Variants in SDC3 observed in about 807,000 individuals in gnomAD.
SDC3 encodes the protein syndecan 3, also known as syndecan-3.
SDC3 carries 13 observed loss-of-function variants against 24.4 expected under a neutral mutation model. The ratio of observed to expected loss-of-function variants is 0.53; its 90% confidence interval spans 0.35 to 0.85. The LOEUF is 0.85. SDC3 is among the 40% of genes least tolerant of loss of function. The pLI is 0.01. For synonymous variants in SDC3, 295 were observed against 260.9 expected (o/e 1.13, Z -1.26); for missense variants, 571 against 584.5 (o/e 0.98, Z 0.24).
intron 1 of SDC3, among the ~76,000 whole-genome samples, chr1:30,899,846 G>A (rs1000756364): frequency 3.9e-5 from 6 of 152,078 alleles, no homozygotes; most frequent in Admixed American, 6.5e-5. Context: ...GGACACACAC[G>A]ACACAACTGA....
intron 4 of SDC3, 44 bp from the exon 5 acceptor site, chr1:30,873,421 GAAC>G: frequency 6.5e-7 from 1 of 1,541,200 alleles, no homozygotes; most frequent in South Asian, 1.1e-5. Flanking sequence ...AGGCAGGGTA[GAAC>G]CAGGGCAAAG....
rs143927351 is a variant in SDC3, at chr1:30,874,870, CACA to C, written c.871-285_871-283del. ...CACAGTCTGTGTTTCTAACCACTAACACACTGCCTCTGTTCTTGCTCTGGACAT... is the reference window on the plus strand; with the variant it reads ...CACAGTCTGTGTTTCTAACCACTAACCTGCCTCTGTTCTTGCTCTGGACAT... On this transcript the variant is annotated intron_variant, in intron 3 of 4. Coordinates refer to ENST00000339394, the MANE Select transcript of SDC3 (RefSeq NM_014654.4). Among the ~76,000 whole-genome samples, 845 of 152,358 alleles carry C rather than the reference CACA, an allele frequency of 5.5e-3. 12 individuals are homozygous for C. Among genetic ancestry groups the C allele is most frequent in the African/African-American group, 0.016 (676 of 41,578 alleles).
At position 30,876,938 on chromosome 1, in the gene SDC3, T is replaced by C; in HGVS notation, c.484A>G (p.Thr162Ala). The change falls in exon 3 of 5, where the codon ACC (threonine) becomes GCC (alanine). Residue 162 changes from threonine (T) to alanine (A), a missense_variant. Physicochemically the swap from Thr to Ala is moderately conservative, Grantham distance 58 (BLOSUM62 0). Transcript: ENST00000339394. The stretch of plus-strand genomic sequence containing the variant: ...CTTGTGGCAGCAGTGGTAGCCATGG[T>C]AGTGGAGACGGTGGTGGCTCTCTGG... ...PSQRATTVST[T>A]MATTAATSTG... 2 of 1,613,544 alleles carry C rather than the reference T, an allele frequency of 1.2e-6. No individual in the cohort carries two copies. The highest frequency in any genetic ancestry group is 2.2e-5 in the East Asian group (1 of 44,852).
chr1:30,874,457 T>C lies in SDC3; in HGVS notation c.1002A>G (p.Val334=), dbSNP rs749554592. 5.6e-6 allele frequency: 9 copies of C among 1,614,056 alleles called. No homozygotes were observed. The highest frequency in any genetic ancestry group is 5.0e-5 in the Admixed American group (3 of 60,006). The change falls in exon 4 of 5, where the codon GTA becomes GTG. Residue 334 remains valine (V), a synonymous_variant. Coordinates refer to ENST00000339394, the MANE Select transcript of SDC3 (RefSeq NM_014654.4). ...CCTTGGCCGCAGCCCCTCCCACAGCTACCACCTCATTGGCTGTGTCTGGTT... is the reference window on the plus strand; with the variant it reads ...CCTTGGCCGCAGCCCCTCCCACAGCCACCACCTCATTGGCTGTGTCTGGTT... ...TTQPDTANEV[V]AVGGAAAKAS... is the part of the protein sequence containing the mutation.
rs1199632977 is a variant in SDC3, at chr1:30,874,608, A to C, written c.871-20T>G. The C allele has an allele frequency of 6.2e-7, 1 of 1,608,842 alleles. No individual in the cohort carries two copies. The highest frequency in any genetic ancestry group is 1.1e-5 in the South Asian group (1 of 90,180). On this transcript the variant is annotated intron_variant, in intron 3 of 4. Transcript: ENST00000339394. ...TGGGGTCTGCAGAGAGGGTGGCATG[A>C]GCCCAGGACAACCACACATGCATGC... is the stretch of plus-strand genomic sequence containing the variant.
chr1:30,905,292 T>C (rs1374292003), intron 1 of SDC3, among the ~76,000 whole-genome samples: 2 of 145,654 alleles, frequency 1.4e-5, no homozygotes, highest in Non-Finnish European at 3.0e-5. Context: ...AAGAATTCCC[T>C]ACTAATTCCC....
rs1638561386 is a variant in SDC3 at position 30,908,000 on chromosome 1, G to A, written c.138+449C>T. ...TCCCACCCCAAGACACACCCAGCCG[G>A]GACGGCGACCCCCAGCCCGCCGCCG... On this transcript the variant is annotated intron_variant, in intron 1 of 4. Transcript: ENST00000339394. Among the ~76,000 whole-genome samples, 3 of 152,204 alleles carry A rather than the reference G, an allele frequency of 2.0e-5. No individual in the cohort carries two copies. In the South Asian group the frequency reaches 6.2e-4, roughly 32 times the overall value.
chr1:30,892,214 C>A (rs1254965358), intron 1 of SDC3, among the ~76,000 whole-genome samples: 2 of 152,184 alleles, frequency 1.3e-5, no homozygotes, highest in African/African-American at 4.8e-5. Flanking sequence ...CTGGCCTCCA[C>A]TCCTCATGTG....
intron 1 of SDC3, among the ~76,000 whole-genome samples, chr1:30,891,845 G>A (rs1450916883): frequency 3.1e-5 from 4 of 128,474 alleles, no homozygotes; most frequent in Non-Finnish European, 5.3e-5. Flanking sequence ...ACAGTGAGAC[G>A]CCGTCAAAAA....
intron 1 of SDC3, among the ~76,000 whole-genome samples, chr1:30,882,534 C>A (rs983660038): frequency 4.6e-5 from 7 of 152,200 alleles, no homozygotes; most frequent in Non-Finnish European, 1.0e-4. Context: ...TGCCACCTCC[C>A]AGGTTGCCCA....
At chr1:30,878,406 C>G (rs965526745) in intron 2 of SDC3, 18 of 509,664 alleles carry the variant, frequency 3.5e-5, no homozygotes, top group Non-Finnish European at 5.0e-5. Flanking sequence ...GAGACCTGGA[C>G]ATTCTGGGCC....
intron 1 of SDC3, among the ~76,000 whole-genome samples, chr1:30,899,509 G>A (rs1638363004): frequency 2.0e-5 from 3 of 152,156 alleles, no homozygotes; most frequent in Non-Finnish European, 4.4e-5. Context: ...AAGAAGCTGG[G>A]ATTACAGGCA....
chr1:30,886,880 G>A (rs558826260), intron 1 of SDC3, among the ~76,000 whole-genome samples: 1 of 152,056 alleles, frequency 6.6e-6, no homozygotes, highest in Non-Finnish European at 1.5e-5. Context: ...TTCACAGATG[G>A]GCAAACTAAA....
At chr1:30,877,348 T>C (rs939617055) in intron 2 of SDC3, 183 bp from the exon 3 acceptor site, 52 of 796,210 alleles carry the variant, frequency 6.5e-5, no homozygotes, top group Non-Finnish European at 1.0e-5. Context: ...CAGTTGCTGA[T>C]GTTCCCCAAC....
intron 1 of SDC3, among the ~76,000 whole-genome samples, chr1:30,889,832 G>C (rs1639880450): frequency 6.6e-6 from 1 of 152,104 alleles, no homozygotes; most frequent in Non-Finnish European, 1.5e-5. Flanking sequence ...ATATGACTCA[G>C]TAATTCTACT....
chr1:30,893,283 ACCCACCCCACCCACCAGGAG>A (rs1639932720), intron 1 of SDC3, among the ~76,000 whole-genome samples: 1 of 32,040 alleles, frequency 3.1e-5, no homozygotes, highest in African/African-American at 1.2e-4. Context: ...CATGGTCCAT[ACCCACCCCACCCACCAGGAG>A]CCCCCCCCCC....
chr1:30,906,043 G>A (rs1286455328), intron 1 of SDC3, among the ~76,000 whole-genome samples: 1 of 151,918 alleles, frequency 6.6e-6, no homozygotes, highest in Non-Finnish European at 1.5e-5. Context: ...CCTGCCCTGT[G>A]CCAGCCACCG....
intron 1 of SDC3, among the ~76,000 whole-genome samples, chr1:30,893,083 CT>C (rs1358802300): frequency 6.6e-6 from 1 of 152,184 alleles, no homozygotes; most frequent in African/African-American, 2.4e-5. Flanking sequence ...CGGCCATCCC[CT>C]TAGACACAAC....
Position 30,878,809 on chromosome 1 carries a change from C to T in SDC3, c.139-69G>A, listed in dbSNP as rs556965098. The T allele has an allele frequency of 3.2e-4, 403 of 1,275,990 alleles. 1 individual carries two copies. Among genetic ancestry groups the T allele is most frequent in the Non-Finnish European group, 3.9e-4 (342 of 874,960 alleles). 79.0% of individuals were successfully genotyped at this position (1,275,990 alleles called of 1,614,324 possible). Reference sequence around the variant, plus strand: ...GGCAGCCTGGGTGAGCCCAGAAGGGCGACAGGTGCCCTTGTGGGCTGAGTG... The same window carrying T: ...GGCAGCCTGGGTGAGCCCAGAAGGGTGACAGGTGCCCTTGTGGGCTGAGTG... On this transcript the variant is annotated intron_variant, in intron 1 of 4. Transcript: ENST00000339394.
Sources: gnomAD v4.1 joint callset for allele counts (sites outside exome capture counted in the v4.1 genomes callset) on GRCh38, gnomAD v4.1.1 for gene constraint, MANE v1.5 for transcripts, NCBI Gene and HGNC (gene_info 2026-07-23, HGNC 2026-07-21) for gene names.